IL1RAPL1: variants seen among roughly 807,000 people sequenced by gnomAD.
IL1RAPL1 encodes interleukin 1 receptor accessory protein like 1, also known as interleukin-1 receptor accessory protein-like 1.
Under a neutral mutation model 48.4 loss-of-function variants are expected in IL1RAPL1, and 3 were observed. The observed-to-expected ratio is 0.06, with a 90% CI of 0.03 to 0.16. IL1RAPL1 has a LOEUF of 0.16. Among genes scored for constraint, IL1RAPL1 ranks in the 10% least tolerant of loss-of-function variants. IL1RAPL1 has a pLI of 1.00. For missense variants in IL1RAPL1, 349 were observed against 530.6 expected, an observed-to-expected ratio of 0.66 and a Z score of 3.36; for synonymous variants, 185 against 187.7, an observed-to-expected ratio of 0.99 and a Z score of 0.12.
chrX:28,795,784 ATTG>A (rs1221668761), intron 2 of IL1RAPL1, among the ~76,000 whole-genome samples: 11 of 110,817 alleles, frequency 9.9e-5, no homozygotes, highest in Non-Finnish European at 5.7e-5. Flanking sequence ...AAAATAATAT[ATTG>A]TTCTATGTAT....
intron 2 of IL1RAPL1, among the ~76,000 whole-genome samples, chrX:28,791,768 A>G (rs1936541437): frequency 8.9e-6 from 1 of 111,899 alleles, no homozygotes; most frequent in South Asian, 3.7e-4. Context: ...ATTTTTGGAT[A>G]TTAAGTGTGC....
intron 5 of IL1RAPL1, among the ~76,000 whole-genome samples, chrX:29,647,489 G>A (rs1206220297): frequency 1.8e-5 from 2 of 111,522 alleles, no homozygotes; most frequent in Non-Finnish European, 3.8e-5. Flanking sequence ...ATAAAAAGAT[G>A]TAAATTGTGA....
intron 2 of IL1RAPL1, among the ~76,000 whole-genome samples, chrX:29,239,826 G>T (rs1931373417): frequency 9.1e-6 from 1 of 110,325 alleles, no homozygotes; most frequent in Admixed American, 9.7e-5. Context: ...GAAGCCAAAA[G>T]ATTGGACACC....
At chrX:29,545,877 A>G (rs778635331) in intron 5 of IL1RAPL1, among the ~76,000 whole-genome samples, 1 of 111,912 alleles carries the variant, frequency 8.9e-6, no homozygotes, top group South Asian at 3.7e-4. Flanking sequence ...TTCTATCTTA[A>G]TGTTACTTAC....
chrX:29,210,730 C>T (rs1930753313), intron 2 of IL1RAPL1, among the ~76,000 whole-genome samples: 1 of 111,684 alleles, frequency 9.0e-6, no homozygotes, highest in South Asian at 3.7e-4. Flanking sequence ...ACTTAAGAGT[C>T]ACGCTCCCCT....
intron 1 of IL1RAPL1, among the ~76,000 whole-genome samples, chrX:28,628,779 C>T (rs1934368755): frequency 8.9e-6 from 1 of 112,333 alleles, no homozygotes; most frequent in Non-Finnish European, 1.9e-5. Context: ...ATATGGAGCA[C>T]AGATTATACA....
In IL1RAPL1 at chrX:28,656,861, C is replaced by T. The variant is rs181217023; in HGVS notation, c.-25+68814C>T. Among the ~76,000 whole-genome samples the T allele has an allele frequency of 2.7e-5, 3 of 109,234 alleles. No individual in the cohort carries two copies. In the Admixed American group the frequency reaches 2.9e-4, roughly 11 times the overall value. The allele number at this position is 109,234 out of a possible 115,157, so 94.9% of individuals were successfully genotyped here. ...CTAACACGGTGAAACCCCCTCTCTACTAAAAATACAAAAAATTAGCCGGGC... is the reference window on the plus strand; with the variant it reads ...CTAACACGGTGAAACCCCCTCTCTATTAAAAATACAAAAAATTAGCCGGGC... On this transcript the variant is annotated intron_variant, in intron 1 of 10. Transcript: ENST00000378993.
intron 2 of IL1RAPL1, among the ~76,000 whole-genome samples, chrX:29,241,532 G>GA (rs1459540769): frequency 5.4e-5 from 6 of 111,151 alleles, no homozygotes; most frequent in Admixed American, 4.8e-4. Context: ...GTGGCTCCTG[G>GA]AAAAAAGAGG....
intron 2 of IL1RAPL1, among the ~76,000 whole-genome samples, chrX:28,844,732 T>G (rs1219652523): frequency 9.0e-6 from 1 of 111,658 alleles, no homozygotes. Context: ...AGAATCTCTT[T>G]AATAGAAACA....
chrX:29,076,959 T>G (rs1927691012), intron 2 of IL1RAPL1, among the ~76,000 whole-genome samples: 1 of 112,399 alleles, frequency 8.9e-6, no homozygotes, highest in African/African-American at 3.2e-5. Flanking sequence ...CCTAAAAGAT[T>G]ACTCTGGGTA....
chrX:28,922,163 G>A (rs951320183), intron 2 of IL1RAPL1, among the ~76,000 whole-genome samples: 2 of 111,226 alleles, frequency 1.8e-5, no homozygotes, highest in African/African-American at 3.3e-5. Context: ...GAAATCAGGC[G>A]GTCAAGTTTC....
At chrX:29,411,995 G>T (rs1934149820) in intron 5 of IL1RAPL1, among the ~76,000 whole-genome samples, 1 of 111,648 alleles carries the variant, frequency 9.0e-6, no homozygotes, top group Non-Finnish European at 1.9e-5. Flanking sequence ...TTATGGCTGG[G>T]CATGGTGGCT....
intron 6 of IL1RAPL1, among the ~76,000 whole-genome samples, chrX:29,910,608 CATTTTATAAATT>C (rs781484533): frequency 1.5e-4 from 17 of 111,242 alleles, no homozygotes; most frequent in African/African-American, 5.5e-4. Context: ...TTTTATAAAT[CATTTTATAAATT>C]CATTATAGTG....
chrX:29,167,340 C>T (rs1239514493), intron 2 of IL1RAPL1, among the ~76,000 whole-genome samples: 1 of 109,443 alleles, frequency 9.1e-6, no homozygotes, highest in Non-Finnish European at 1.9e-5. Context: ...TTCCCTCCCT[C>T]CTTTCCTCAC....
At chrX:29,544,763 T>G (rs376914902) in intron 5 of IL1RAPL1, among the ~76,000 whole-genome samples, 1 of 107,653 alleles carries the variant, frequency 9.3e-6, no homozygotes. Context: ...GTGTGTGTGT[T>G]TGTGTGCATT....
intron 3 of IL1RAPL1, among the ~76,000 whole-genome samples, chrX:29,379,409 G>A (rs1049385196): frequency 1.9e-4 from 21 of 112,065 alleles, no homozygotes; most frequent in African/African-American, 6.5e-4. Flanking sequence ...GAGGAAAATG[G>A]GGATCCCTGT....
intron 5 of IL1RAPL1, among the ~76,000 whole-genome samples, chrX:29,470,616 T>A (rs1015480094): frequency 2.7e-5 from 3 of 111,245 alleles, no homozygotes; most frequent in African/African-American, 9.8e-5. Context: ...TTTAAAATAC[T>A]TTAAGTTTAA....
Position 29,371,719 on chromosome X carries a change from C to T in IL1RAPL1, c.363-24539C>T, listed in dbSNP as rs764654201. Among the ~76,000 whole-genome samples the T allele has an allele frequency of 6.3e-5, 7 of 111,815 alleles. No individual in the cohort carries two copies. The South Asian group carries it at 2.2e-3, about 36-fold the overall frequency. ...TTGATTTTCTGTTTCTTCATTAGTT[C>T]GCTGAGGATATTGGCCTCTAGCTGC... On this transcript the variant is annotated intron_variant, in intron 3 of 10. Coordinates refer to ENST00000378993, the MANE Select transcript of IL1RAPL1 (RefSeq NM_014271.4).
chrX:29,242,194 T>C (rs1229952894), intron 2 of IL1RAPL1, among the ~76,000 whole-genome samples: 1 of 112,788 alleles, frequency 8.9e-6, no homozygotes, highest in East Asian at 2.8e-4. Context: ...TCACTAATTT[T>C]AATAATAGTA....
Sources: allele counts gnomAD v4.1 joint callset (sites outside exome capture counted in the v4.1 genomes callset), GRCh38; gene constraint gnomAD v4.1.1; transcripts MANE v1.5; gene names NCBI Gene and HGNC (gene_info 2026-07-23, HGNC 2026-07-21).